The following DLAT variants were observed in gnomAD, a reference collection of about 807,000 sequenced individuals.
DLAT encodes dihydrolipoyllysine-residue acetyltransferase component of pyruvate dehydrogenase complex, mitochondrial.
In DLAT, 43 loss-of-function variants were observed where a neutral mutation model predicts 68.0. The observed-to-expected ratio is 0.63, with a 90% CI of 0.50 to 0.81. The LOEUF (loss-of-function observed/expected upper bound fraction) is 0.81, where lower values mean the gene tolerates loss of function less well. Ranked by LOEUF, DLAT falls within the 40% of genes least tolerant of loss-of-function variation. The pLI, the probability that DLAT is intolerant of heterozygous loss-of-function variation, is 0.00. For synonymous variants in DLAT, 265 were observed against 288.6 expected (o/e 0.92, Z 0.83); for missense variants, 745 against 815.4 (o/e 0.91, Z 1.05).
chr11:112,064,217 G>T lies in DLAT; in HGVS notation c.*1682G>T, dbSNP rs1409896323. On this transcript the variant is annotated 3_prime_UTR_variant, in exon 14 of 14. Coordinates refer to ENST00000280346, the MANE Select transcript of DLAT (RefSeq NM_001931.5). ...TTTCGCTAATGCTTGTGGTTCTGTT[G>T]TTCCCTTGAAAAAAAATAAAAACAG... 1.9e-6 allele frequency: 3 copies of T among 1,560,138 alleles called. No individual in the cohort carries two copies. The highest frequency in any genetic ancestry group is 2.6e-6 in the Non-Finnish European group (3 of 1,155,072).
chr11:112,059,793 A>C (rs587762425), intron 11 of DLAT, 110 bp from the exon 12 acceptor site: 2 of 877,950 alleles, frequency 2.3e-6, no homozygotes, highest in South Asian at 3.6e-5. Context: ...GAACAATAAC[A>C]CACATTGGTT....
At chr11:112,031,236 T>G (rs1430080552) in intron 4 of DLAT, among the ~76,000 whole-genome samples, 4 of 152,172 alleles carry the variant, frequency 2.6e-5, no homozygotes, top group African/African-American at 9.7e-5. Context: ...CGCATAATCC[T>G]GTTGCTAATC....
chr11:112,033,537 T>C lies in DLAT; in HGVS notation c.787+7T>C. The C allele has an allele frequency of 6.2e-7, 1 of 1,613,432 alleles. No individual in the cohort carries two copies. Among genetic ancestry groups the C allele is most frequent in the Non-Finnish European group, 8.5e-7 (1 of 1,179,632 alleles). On this transcript the variant is annotated splice_region_variant and intron_variant, in intron 5 of 13. Transcript: ENST00000280346. The stretch of plus-strand genomic sequence containing the variant: ...ACTGACAAAGCCACTATAGGTGAGA[T>C]TTCTTCAGCTCTTAATGGTTGAGGC...
At chr11:112,038,625 G>C (rs879970540) in intron 6 of DLAT, among the ~76,000 whole-genome samples, 1 of 150,940 alleles carries the variant, frequency 6.6e-6, no homozygotes, top group Non-Finnish European at 1.5e-5. Flanking sequence ...CAGGTGGATC[G>C]CTTGAGGTCA....
intron 7 of DLAT, among the ~76,000 whole-genome samples, chr11:112,040,929 A>C (rs1399017295): frequency 6.6e-6 from 1 of 152,072 alleles, no homozygotes; most frequent in Admixed American, 6.5e-5. Flanking sequence ...GTGTTAAAAA[A>C]AAAAAAGAAA....
intron 4 of DLAT, chr11:112,030,106 C>T (rs782239484): frequency 6.5e-6 from 5 of 774,494 alleles, no homozygotes; most frequent in East Asian, 3.5e-5. Flanking sequence ...TAAATACTGG[C>T]GACTCCAGTA....
chr11:112,028,919 G>A lies in DLAT; in HGVS notation c.634G>A (p.Gly212Ser). Residue 212 changes from glycine (G) to serine (S), a missense_variant, in exon 4 of 14, where the codon GGT becomes AGT. Transcript: ENST00000280346. ...ACCTACACCTTCTGCTCAGGCTCCT[G>A]GTAGCTCATATCCCCCTCACATGCA... is the stretch of plus-strand genomic sequence containing the variant. Reference protein sequence around the residue: ...SPPTPSAQAPGSSYPPHMQVL... With the variant: ...SPPTPSAQAPSSSYPPHMQVL... 1 of 1,614,106 alleles carries A rather than the reference G, an allele frequency of 6.2e-7. No homozygotes were observed. Among genetic ancestry groups the A allele is most frequent in the Non-Finnish European group, 8.5e-7 (1 of 1,180,018 alleles).
In DLAT at chr11:112,045,208, T is replaced by A; in HGVS notation, c.1268T>A (p.Ile423Asn). ...GTTCCTACAGGTGTCTTCACAGATA[T>A]CCCAATCAGCAACATTCGTCGGGTA... ...APVPTGVFTD[I>N]PISNIRRVIA... The change falls in exon 9 of 14, where the codon ATC (isoleucine) becomes AAC (asparagine). Residue 423 changes from isoleucine to asparagine, a missense_variant. Transcript: ENST00000280346. 1 of 1,614,022 alleles carries A rather than the reference T, an allele frequency of 6.2e-7. No individual in the cohort carries two copies. The highest frequency in any genetic ancestry group is 8.5e-7 in the Non-Finnish European group (1 of 1,179,948).
chr11:112,032,529 T>G (rs1433893913), intron 4 of DLAT: 1 of 152,184 alleles, frequency 6.6e-6, no homozygotes, highest in Non-Finnish European at 1.5e-5. Flanking sequence ...GAATTTGTTG[T>G]CCTTGCGCAG....
rs782376838 is a variant in DLAT, at chr11:112,026,304, G to GC, written c.381+5_381+6insC. On this transcript the variant is annotated splice_donor_region_variant and intron_variant, in intron 2 of 13. Transcript: ENST00000280346. ...GAAGGTGACCTAATTGCAGAGGTAA[G>GC]TTTTTTTTTTTTTTTTTAATTAATT... 1 of 944,822 alleles carries GC rather than the reference G, an allele frequency of 1.1e-6. No homozygotes were observed. The highest frequency in any genetic ancestry group is 3.8e-5 in the Admixed American group (1 of 26,508). 58.5% of individuals were successfully genotyped at this position (944,822 alleles called of 1,614,324 possible).
intron 9 of DLAT, 59 bp downstream of exon 9, chr11:112,045,289 T>C: frequency 7.5e-7 from 1 of 1,338,504 alleles, no homozygotes; most frequent in Non-Finnish European, 1.1e-6. Flanking sequence ...GTTGTTTAGT[T>C]GCTTCCATAG....
intron 8 of DLAT, among the ~76,000 whole-genome samples, chr11:112,044,305 A>T (rs1555181255): frequency 6.6e-6 from 1 of 151,866 alleles, no homozygotes; most frequent in African/African-American, 2.4e-5. Context: ...GGCGATTCTC[A>T]TGCCCCAGCC....
intron 4 of DLAT, chr11:112,029,819 T>C: frequency 1.7e-6 from 1 of 573,476 alleles, no homozygotes; most frequent in Non-Finnish European, 3.4e-6. Context: ...AAGGCCTAAT[T>C]CAGTCTTGGT....
chr11:112,042,984 A>G (rs1157867766), intron 7 of DLAT, among the ~76,000 whole-genome samples: 1 of 152,248 alleles, frequency 6.6e-6, no homozygotes, highest in East Asian at 1.9e-4. Context: ...TAAATTCTGT[A>G]TAAAAGGAAT....
intron 5 of DLAT, among the ~76,000 whole-genome samples, chr11:112,036,202 T>TGTGTGTGG (rs61074225): frequency 4.7e-5 from 1 of 21,238 alleles, no homozygotes; most frequent in African/African-American, 1.7e-4. Flanking sequence ...TGTGTGTGTG[T>TGTGTGTGG]TTTTTTTTTT....
rs587774806 is a variant in DLAT at position 112,051,706 on chromosome 11, G to A, written c.1514+357G>A. Among the ~76,000 whole-genome samples, 24 of 152,210 alleles carry A rather than the reference G, an allele frequency of 1.6e-4. No homozygotes were observed. Among genetic ancestry groups the A allele is most frequent in the African/African-American group, 5.5e-4 (23 of 41,528 alleles). Reference sequence around the variant, plus strand: ...TGGGATTTCAGGTGTGAGCCACAGTGTCCAGCCTGCGATATTGCTGGATTT... The same window carrying A: ...TGGGATTTCAGGTGTGAGCCACAGTATCCAGCCTGCGATATTGCTGGATTT... On this transcript the variant is annotated intron_variant, in intron 11 of 13. Transcript: ENST00000280346. The surrounding 1 kb of genome is among the most constrained non-coding windows in gnomAD (Gnocchi z 4.3).
Position 112,033,446 on chromosome 11 carries a change from G to A in DLAT, c.703G>A (p.Val235Ile), listed in dbSNP as rs781947815. 6.2e-7 allele frequency: 1 copy of A among 1,613,896 alleles called. No individual in the cohort carries two copies. The highest frequency in any genetic ancestry group is 8.5e-7 in the Non-Finnish European group (1 of 1,179,898). Reference protein sequence around the residue: ...ALSPTMTMGTVQRWEKKVGEK... With the variant: ...ALSPTMTMGTIQRWEKKVGEK... ...CTCTCCCACCATGACCATGGGCACA[G>A]TTCAGAGATGGGAAAAAAAAGTGGG... Residue 235 changes from valine (V) to isoleucine (I), a missense_variant, in exon 5 of 14, where the codon GTT (valine) becomes ATT (isoleucine). Coordinates refer to ENST00000280346, the MANE Select transcript of DLAT (RefSeq NM_001931.5).
chr11:112,039,582 A>G (rs1261821995), intron 7 of DLAT, among the ~76,000 whole-genome samples, 185 bp downstream of exon 7: 1 of 152,106 alleles, frequency 6.6e-6, no homozygotes, highest in Non-Finnish European at 1.5e-5. Flanking sequence ...GGAAACTTTT[A>G]CTGAGCTTTA....
At position 112,064,158 on chromosome 11, in the gene DLAT, G is replaced by C. The variant is rs1864808140; in HGVS notation, c.*1623G>C. On this transcript the variant is annotated 3_prime_UTR_variant, in exon 14 of 14. Coordinates refer to ENST00000280346, the MANE Select transcript of DLAT (RefSeq NM_001931.5). ...CCATCATCAATATGATCCAAATCTG[G>C]TTCAAACATTCAAAACTTCAAAGAT... The C allele has an allele frequency of 2.6e-6, 4 of 1,558,398 alleles. No individual in the cohort carries two copies. The highest frequency in any genetic ancestry group is 3.5e-6 in the Non-Finnish European group (4 of 1,151,286).
Sources: gnomAD v4.1 joint callset for allele counts (sites outside exome capture counted in the v4.1 genomes callset) on GRCh38, gnomAD v4.1.1 for gene constraint, Gnocchi (gnomAD v3.1) non-coding constraint, MANE v1.5 for transcripts, NCBI Gene and HGNC (gene_info 2026-07-23, HGNC 2026-07-21) for gene names.